Variants in FNDC3B observed in about 807,000 individuals in gnomAD.
FNDC3B encodes the protein fibronectin type III domain-containing protein 3B.
FNDC3B carries 12 observed loss-of-function variants against 151.5 expected under a neutral mutation model. The observed-to-expected ratio is 0.08, with a 90% CI of 0.05 to 0.13. FNDC3B has a LOEUF of 0.13. Ranked by LOEUF, FNDC3B falls within the 10% of genes least tolerant of loss-of-function variation. The probability of loss-of-function intolerance (pLI) is 1.00; values close to 1 mark genes in which losing one functional copy is unlikely to be tolerated. For missense variants in FNDC3B, 1,214 were observed against 1,505.3 expected (o/e 0.81, Z 3.20); for synonymous variants, 528 against 549.0 (o/e 0.96, Z 0.54).
At chr3:172,329,109 C>A in intron 12 of FNDC3B, 33 bp downstream of exon 12, 1 of 1,581,702 alleles carries the variant, frequency 6.3e-7, no homozygotes, top group Non-Finnish European at 8.6e-7. Flanking sequence ...TGCCCTTCAG[C>A]CTTTGGATGG....
chr3:172,301,786 G>A (rs976221571), intron 9 of FNDC3B: 2 of 152,116 alleles, frequency 1.3e-5, no homozygotes, highest in Non-Finnish European at 2.9e-5. Flanking sequence ...TGAGCAGAGG[G>A]GTTGAGGCTG....
chr3:172,147,249 G>T (rs1052114595), intron 3 of FNDC3B, among the ~76,000 whole-genome samples: 2 of 151,252 alleles, frequency 1.3e-5, no homozygotes, highest in African/African-American at 4.9e-5. Context: ...GGAGGTTGCA[G>T]TGAGCTGAGA....
At chr3:172,059,030 G>A (rs754167848) in intron 1 of FNDC3B, among the ~76,000 whole-genome samples, 13 of 152,030 alleles carry the variant, frequency 8.6e-5, no homozygotes, top group Admixed American at 1.3e-4. Context: ...CTGACATTTT[G>A]TTTCTGGTTT....
intron 3 of FNDC3B, among the ~76,000 whole-genome samples, chr3:172,165,234 TTC>T (rs1722952909): frequency 6.6e-6 from 1 of 152,170 alleles, no homozygotes; most frequent in Non-Finnish European, 1.5e-5. Flanking sequence ...GGTCTCAAAC[TTC>T]TGACCTCAAG....
intron 6 of FNDC3B, 93 bp from the exon 7 acceptor site, chr3:172,285,833 A>C (rs1729980140): frequency 1.2e-6 from 1 of 846,636 alleles, no homozygotes; most frequent in Admixed American, 2.2e-5. Flanking sequence ...TGATTTAATG[A>C]TAACTCCAGT....
intron 7 of FNDC3B, among the ~76,000 whole-genome samples, 172 bp downstream of exon 7, chr3:172,286,156 G>A (rs1730005739): frequency 6.6e-6 from 1 of 151,874 alleles, no homozygotes; most frequent in East Asian, 1.9e-4. Context: ...ATGAGACATA[G>A]AACAGTAGCC....
intron 1 of FNDC3B, among the ~76,000 whole-genome samples, chr3:172,100,469 G>T (rs2108522588): frequency 6.6e-6 from 1 of 152,232 alleles, no homozygotes; most frequent in South Asian, 2.1e-4. Context: ...ACAGTTTTCT[G>T]TCGAGAGAAA....
At chr3:172,365,945 C>T (rs1196610751) in intron 23 of FNDC3B, among the ~76,000 whole-genome samples, 1 of 152,082 alleles carries the variant, frequency 6.6e-6, no homozygotes, top group Non-Finnish European at 1.5e-5. Context: ...AGGGGTTAAA[C>T]TAGAAGACGA....
At chr3:172,375,956 A>C (rs973857520) in intron 23 of FNDC3B, among the ~76,000 whole-genome samples, 2 of 152,192 alleles carry the variant, frequency 1.3e-5, no homozygotes, top group South Asian at 2.1e-4. Context: ...CTCTGCAGTC[A>C]TGTCTCCTCC....
chr3:172,110,932 C>T (rs891228216), intron 1 of FNDC3B, among the ~76,000 whole-genome samples: 3 of 151,936 alleles, frequency 2.0e-5, no homozygotes, highest in African/African-American at 7.3e-5. Flanking sequence ...AACCCTGTCT[C>T]TACTAAAAAT....
chr3:172,081,542 C>T (rs986918959), intron 1 of FNDC3B, among the ~76,000 whole-genome samples: 3 of 152,146 alleles, frequency 2.0e-5, no homozygotes, highest in African/African-American at 7.2e-5. Context: ...TTACATTTTA[C>T]AGGATAAAAC....
chr3:172,275,451 AAT>A (rs1729388527), intron 6 of FNDC3B, among the ~76,000 whole-genome samples: 1 of 152,228 alleles, frequency 6.6e-6, no homozygotes, highest in Non-Finnish European at 1.5e-5. Context: ...AGTTCCAAAT[AAT>A]ATAAATGTTA....
At chr3:172,279,899 C>CGTTGTTGTTGTT (rs59528273) in intron 6 of FNDC3B, among the ~76,000 whole-genome samples, 3 of 151,356 alleles carry the variant, frequency 2.0e-5, no homozygotes, top group African/African-American at 7.3e-5. Context: ...AACACATATT[C>CGTTGTTGTTGTT]GTTGTTGTTG....
chr3:172,254,065 C>T (rs1728215049), intron 6 of FNDC3B, among the ~76,000 whole-genome samples: 1 of 152,126 alleles, frequency 6.6e-6, no homozygotes, highest in Non-Finnish European at 1.5e-5. Flanking sequence ...ATTCCTTTGC[C>T]TTTGAGTTAA....
intron 3 of FNDC3B, among the ~76,000 whole-genome samples, chr3:172,213,330 T>C (rs974414111): frequency 1.3e-5 from 2 of 152,222 alleles, no homozygotes; most frequent in African/African-American, 4.8e-5. Flanking sequence ...CCTCAGGCCA[T>C]GTGAGCATAC....
chr3:172,112,651 A>G, intron 2 of FNDC3B, 61 bp downstream of exon 2: 2 of 1,113,978 alleles, frequency 1.8e-6, no homozygotes, highest in Middle Eastern at 2.0e-4. Context: ...GTAACACAGT[A>G]TTTGATTTAT....
chr3:172,187,305 CTCT>C (rs1463770708), intron 3 of FNDC3B: 1 of 152,126 alleles, frequency 6.6e-6, no homozygotes, highest in Non-Finnish European at 1.5e-5. Flanking sequence ...ATTACTTGAC[CTCT>C]TCTTATTCAT....
At chr3:172,238,963 A>G (rs186301126) in intron 4 of FNDC3B, among the ~76,000 whole-genome samples, 1 of 152,366 alleles carries the variant, frequency 6.6e-6, no homozygotes, top group East Asian at 1.9e-4. Flanking sequence ...ATAGGATGTC[A>G]GCTATTTACC....
chr3:172,270,436 T>C (rs1292399960), intron 6 of FNDC3B, among the ~76,000 whole-genome samples: 2 of 152,224 alleles, frequency 1.3e-5, no homozygotes, highest in Non-Finnish European at 2.9e-5. Flanking sequence ...GCATACTTTC[T>C]CCAATTCTCT....
Sources: allele counts gnomAD v4.1 joint callset (sites outside exome capture counted in the v4.1 genomes callset), GRCh38; gene constraint gnomAD v4.1.1; transcripts MANE v1.5; gene names NCBI Gene and HGNC (gene_info 2026-07-23, HGNC 2026-07-21).